The following ZCCHC17 variants were observed in gnomAD, a reference collection of about 807,000 sequenced individuals.
ZCCHC17 encodes the protein zinc finger CCHC-type containing 17.
A neutral mutation model predicts 30.6 loss-of-function variants in ZCCHC17; 18 were observed. The observed-to-expected ratio is 0.59, with a 90% CI of 0.41 to 0.87. The LOEUF is 0.87. Ranked by LOEUF, ZCCHC17 falls within the 40% of genes least tolerant of loss-of-function variation. The pLI is 0.00. For missense variants in ZCCHC17, 263 were observed against 284.2 expected, an observed-to-expected ratio of 0.93 and a Z score of 0.54; for synonymous variants, 88 against 92.4, an observed-to-expected ratio of 0.95 and a Z score of 0.27.
intron 3 of ZCCHC17, chr1:31,332,992 T>C (rs566420326): frequency 6.6e-6 from 1 of 152,326 alleles, no homozygotes; most frequent in African/African-American, 2.4e-5. Flanking sequence ...AAGATTATAC[T>C]GTATATTTAA....
chr1:31,355,972 G>A (rs1639630026), intron 7 of ZCCHC17, among the ~76,000 whole-genome samples: 1 of 152,160 alleles, frequency 6.6e-6, no homozygotes, highest in African/African-American at 2.4e-5. Context: ...AGTCAGCTCT[G>A]GGAGCCAAAT....
chr1:31,330,145 A>T (rs114663760), intron 3 of ZCCHC17, among the ~76,000 whole-genome samples: 2 of 152,108 alleles, frequency 1.3e-5, no homozygotes, highest in Non-Finnish European at 2.9e-5. Context: ...ATGATTTGAG[A>T]TTTTCACTTC....
At chr1:31,330,394 T>G (rs1385310857) in intron 3 of ZCCHC17, among the ~76,000 whole-genome samples, 2 of 152,206 alleles carry the variant, frequency 1.3e-5, no homozygotes, top group East Asian at 3.8e-4. Flanking sequence ...ATGATGGACT[T>G]GATATGCCTC....
At chr1:31,346,518 A>G (rs1639278246) in intron 5 of ZCCHC17, 122 bp from the exon 6 acceptor site, 8 of 1,176,290 alleles carry the variant, frequency 6.8e-6, no homozygotes, top group Non-Finnish European at 9.3e-6. Context: ...GTTCTGTCAA[A>G]AACTTTCTTT....
intron 5 of ZCCHC17, among the ~76,000 whole-genome samples, chr1:31,344,966 C>T (rs1377871427): frequency 6.6e-6 from 1 of 151,382 alleles, no homozygotes; most frequent in African/African-American, 2.4e-5. Flanking sequence ...TTAAGTGATC[C>T]TCCTGCCTCA....
At chr1:31,298,467 C>A (rs551920640) in intron 1 of ZCCHC17, among the ~76,000 whole-genome samples, 34 of 151,356 alleles carry the variant, frequency 2.2e-4, no homozygotes, top group Admixed American at 7.2e-4. Context: ...CTCACTGCAA[C>A]CTCCACCTCC....
chr1:31,319,010 C>T, intron 2 of ZCCHC17, 99 bp from the exon 3 acceptor site: 1 of 1,349,816 alleles, frequency 7.4e-7, no homozygotes, highest in Non-Finnish European at 1.0e-6. Context: ...CATACAGAGG[C>T]AGTCAATATG....
intron 3 of ZCCHC17, among the ~76,000 whole-genome samples, chr1:31,325,131 C>G (rs1489558627): frequency 6.6e-6 from 1 of 152,208 alleles, no homozygotes; most frequent in African/African-American, 2.4e-5. Context: ...GATGACCTGC[C>G]TGCAGATAAG....
intron 6 of ZCCHC17, among the ~76,000 whole-genome samples, chr1:31,348,553 C>T (rs943998049): frequency 6.6e-6 from 1 of 152,182 alleles, no homozygotes; most frequent in Non-Finnish European, 1.5e-5. Flanking sequence ...TAATGGAGGG[C>T]AGTAAAAACC....
intron 1 of ZCCHC17, among the ~76,000 whole-genome samples, chr1:31,307,874 C>T (rs993614207): frequency 6.6e-6 from 1 of 152,150 alleles, no homozygotes; most frequent in Non-Finnish European, 1.5e-5. Flanking sequence ...TGCACCTGGC[C>T]TATGACCTTT....
chr1:31,351,619 T>C (rs1281468728), intron 7 of ZCCHC17, among the ~76,000 whole-genome samples: 1 of 152,072 alleles, frequency 6.6e-6, no homozygotes, highest in Non-Finnish European at 1.5e-5. Context: ...GGGCACGGAC[T>C]GTGGTCTCAG....
chr1:31,335,407 G>A (rs563112582), intron 3 of ZCCHC17, among the ~76,000 whole-genome samples: 10 of 152,148 alleles, frequency 6.6e-5, no homozygotes, highest in Non-Finnish European at 1.3e-4. Flanking sequence ...ACAAAGTCTC[G>A]CTCTGTCACC....
intron 7 of ZCCHC17, among the ~76,000 whole-genome samples, chr1:31,362,132 A>G (rs1639930276): frequency 6.6e-6 from 1 of 152,124 alleles, no homozygotes. Flanking sequence ...TCTTATCTCC[A>G]GTTTACATTT....
At chr1:31,359,924 A>C (rs973608336) in intron 7 of ZCCHC17, among the ~76,000 whole-genome samples, 1 of 151,642 alleles carries the variant, frequency 6.6e-6, no homozygotes, top group South Asian at 2.1e-4. Flanking sequence ...AGCTTGGTTC[A>C]TCTTCTGGCT....
intron 1 of ZCCHC17, among the ~76,000 whole-genome samples, chr1:31,307,805 C>A (rs1292441921): frequency 6.6e-6 from 1 of 151,938 alleles, no homozygotes; most frequent in Non-Finnish European, 1.5e-5. Context: ...GAACTCCTGA[C>A]CTCAGATGAT....
intron 3 of ZCCHC17, among the ~76,000 whole-genome samples, chr1:31,321,894 A>G (rs1164132584): frequency 6.6e-6 from 1 of 152,250 alleles, no homozygotes; most frequent in Non-Finnish European, 1.5e-5. Flanking sequence ...ACTTGAAATG[A>G]CAAAGTTATT....
chr1:31,331,181 GC>G (rs1638569250), intron 3 of ZCCHC17, among the ~76,000 whole-genome samples: 1 of 151,192 alleles, frequency 6.6e-6, no homozygotes, highest in African/African-American at 2.4e-5. Flanking sequence ...TTGCTCTGTC[GC>G]CCTGGCTGGA....
intron 3 of ZCCHC17, among the ~76,000 whole-genome samples, chr1:31,323,927 A>G (rs1171747681): frequency 1.3e-5 from 2 of 152,160 alleles, no homozygotes; most frequent in Non-Finnish European, 2.9e-5. Flanking sequence ...AGAGAATTAC[A>G]TAAATTATGT....
intron 3 of ZCCHC17, among the ~76,000 whole-genome samples, chr1:31,335,203 G>A (rs1638767602): frequency 6.6e-6 from 1 of 152,004 alleles, no homozygotes; most frequent in Admixed American, 6.6e-5. Context: ...GCTTTTCTCT[G>A]GCAGACTCTT....
Sources: gnomAD v4.1 joint callset for allele counts (sites outside exome capture counted in the v4.1 genomes callset) on GRCh38, gnomAD v4.1.1 for gene constraint, MANE v1.5 for transcripts, NCBI Gene and HGNC (gene_info 2026-07-23, HGNC 2026-07-21) for gene names.